The following DNAH5 variants were observed in gnomAD, a reference collection of about 807,000 sequenced individuals.
DNAH5 encodes the protein axonemal beta dynein heavy chain 5.
DNAH5 carries 372 observed loss-of-function variants against 518.2 expected under a neutral mutation model. The observed-to-expected ratio is 0.72, with a 90% CI of 0.66 to 0.78. The LOEUF (loss-of-function observed/expected upper bound fraction) is 0.78. Among genes scored for constraint, DNAH5 ranks in the 30% least tolerant of loss-of-function variants. The pLI is 0.00. For missense variants in DNAH5, 5,523 were observed against 5,687.0 expected (o/e 0.97, Z 0.93); for synonymous variants, 2,039 against 2,025.9 (o/e 1.01, Z -0.17).
chr5:13,749,721 A>AGAG (rs1749934574), intron 65 of DNAH5, among the ~76,000 whole-genome samples: 1 of 152,218 alleles, frequency 6.6e-6, no homozygotes, highest in South Asian at 2.1e-4. Flanking sequence ...TACCAGTGAC[A>AGAG]GAGGTGGCCC....
chr5:13,729,156 G>A (rs1360322127), intron 69 of DNAH5, among the ~76,000 whole-genome samples: 1 of 152,192 alleles, frequency 6.6e-6, no homozygotes, highest in African/African-American at 2.4e-5. Context: ...GGATCTATCA[G>A]TTTTTCTACT....
intron 8 of DNAH5, among the ~76,000 whole-genome samples, chr5:13,916,738 C>G (rs149759591): frequency 2.0e-4 from 31 of 152,012 alleles, no homozygotes; most frequent in Non-Finnish European, 4.0e-4. Context: ...CTGTTAATAA[C>G]AGTTAATGTT....
chr5:13,775,991 C>T lies in DNAH5; in HGVS notation c.9373+448G>A, dbSNP rs184621346. Among the ~76,000 whole-genome samples, 30 of 143,140 alleles carry T rather than the reference C, an allele frequency of 2.1e-4. 1 individual carries two copies. The East Asian group carries it at 6.0e-3, about 29-fold the overall frequency. 93.9% of individuals were successfully genotyped at this position (143,140 alleles called of 152,430 possible). ...AGCTTTCAAAAAAAAAAAAAAAAAGCTAAATGTACGCTCTCTAACCTCTCC... is the reference window on the plus strand; with the variant it reads ...AGCTTTCAAAAAAAAAAAAAAAAAGTTAAATGTACGCTCTCTAACCTCTCC... On this transcript the variant is annotated intron_variant, in intron 55 of 78. Transcript: ENST00000265104.
intron 38 of DNAH5, among the ~76,000 whole-genome samples, chr5:13,826,432 C>T (rs947052205): frequency 2.0e-5 from 3 of 152,172 alleles, no homozygotes; most frequent in Non-Finnish European, 2.9e-5. Context: ...CCCCATGTGT[C>T]GTGGGAGGGA....
chr5:13,747,265 T>C (rs1264474477), intron 65 of DNAH5, among the ~76,000 whole-genome samples: 1 of 152,154 alleles, frequency 6.6e-6, no homozygotes, highest in African/African-American at 2.4e-5. Flanking sequence ...ATATGTGCCA[T>C]GTTTTCTTAA....
intron 1 of DNAH5, among the ~76,000 whole-genome samples, chr5:13,965,187 A>T (rs1781448061): frequency 6.6e-6 from 1 of 152,152 alleles, no homozygotes; most frequent in African/African-American, 2.4e-5. Flanking sequence ...TCAAGTGTTT[A>T]TTATTGAGAG....
chr5:13,859,997 T>C (rs1768173791), intron 29 of DNAH5, among the ~76,000 whole-genome samples: 1 of 152,182 alleles, frequency 6.6e-6, no homozygotes, highest in South Asian at 2.1e-4. Flanking sequence ...ATGGAGCTTT[T>C]ATAGAACCAT....
rs547388063 is a variant in DNAH5, at chr5:13,976,674, AC to A, written c.12+34973del. The stretch of plus-strand genomic sequence containing the variant: ...CATAGGTATGTATGTATAGAAAAAA[AC>A]AATGTGTGTGTGTGTATATATATAT... On this transcript the variant is annotated intron_variant, in intron 1 of 78. Transcript: ENST00000681290. 4.3e-5 allele frequency among the ~76,000 whole-genome samples: 6 copies of A among 138,590 alleles called. No individual in the cohort carries two copies. In the East Asian group the frequency reaches 6.3e-4, roughly 15 times the overall value. The allele number at this position is 138,590 out of a possible 152,430, so 90.9% of individuals were successfully genotyped here.
At chr5:13,725,808 C>A (rs534720630) in intron 70 of DNAH5, among the ~76,000 whole-genome samples, 51 of 152,202 alleles carry the variant, frequency 3.4e-4, no homozygotes, top group Non-Finnish European at 5.7e-4. Context: ...GTGCCACCAC[C>A]ATGCCTGGCT....
At chr5:13,848,131 A>G (rs1766300574) in intron 31 of DNAH5, among the ~76,000 whole-genome samples, 1 of 152,270 alleles carries the variant, frequency 6.6e-6, no homozygotes, top group African/African-American at 2.4e-5. Flanking sequence ...ATCAATCATT[A>G]GACAACAATC....
chr5:13,781,335 A>T (rs1755104240), intron 52 of DNAH5, among the ~76,000 whole-genome samples: 2 of 152,200 alleles, frequency 1.3e-5, no homozygotes, highest in South Asian at 4.1e-4. Context: ...CAGAAATGTC[A>T]GAACAATGTC....
At chr5:13,993,929 T>C (rs1040769159) in intron 1 of DNAH5, among the ~76,000 whole-genome samples, 1 of 152,210 alleles carries the variant, frequency 6.6e-6, no homozygotes, top group East Asian at 1.9e-4. Flanking sequence ...ATGCAACCCA[T>C]TGCTCAAATT....
At chr5:13,967,777 C>T (rs888095928) in intron 1 of DNAH5, among the ~76,000 whole-genome samples, 4 of 141,072 alleles carry the variant, frequency 2.8e-5, no homozygotes. Context: ...TTGTAGATTG[C>T]TTTTGGCCAC....
chr5:13,854,841 C>T (rs1230923042), intron 30 of DNAH5, among the ~76,000 whole-genome samples: 3 of 152,086 alleles, frequency 2.0e-5, no homozygotes, highest in African/African-American at 4.8e-5. Context: ...TATATGCACC[C>T]GAAACAGGAG....
At chr5:13,763,013 G>C in intron 59 of DNAH5, 112 bp from the exon 60 acceptor site, 1 of 909,778 alleles carries the variant, frequency 1.1e-6, no homozygotes, top group Admixed American at 2.0e-5. Flanking sequence ...TGAATGAAGG[G>C]CATCATATTT....
intron 58 of DNAH5, 53 bp downstream of exon 58, chr5:13,768,907 T>C: frequency 6.3e-7 from 1 of 1,587,086 alleles, no homozygotes; most frequent in South Asian, 1.1e-5. Flanking sequence ...TTTTTAGCAT[T>C]AGTCTGCCTC....
intron 1 of DNAH5, among the ~76,000 whole-genome samples, chr5:13,953,190 A>G (rs1260730121): frequency 6.6e-6 from 1 of 152,200 alleles, no homozygotes; most frequent in Non-Finnish European, 1.5e-5. Context: ...TTTCTTGAGG[A>G]TGGGTTTCAA....
At chr5:13,797,431 C>T (rs1006833811) in intron 47 of DNAH5, among the ~76,000 whole-genome samples, 2 of 152,142 alleles carry the variant, frequency 1.3e-5, no homozygotes, top group African/African-American at 4.8e-5. Flanking sequence ...GACATCTATG[C>T]AGCCAACAGG....
At chr5:13,714,724 C>A in intron 74 of DNAH5, 104 bp from the exon 75 acceptor site, 1 of 1,079,822 alleles carries the variant, frequency 9.3e-7, no homozygotes, top group Non-Finnish European at 1.4e-6. Flanking sequence ...TATGCATTTA[C>A]TTAAGTCTTA....
Sources: allele counts gnomAD v4.1 joint callset (sites outside exome capture counted in the v4.1 genomes callset), GRCh38; gene constraint gnomAD v4.1.1; transcripts MANE v1.5; gene names NCBI Gene and HGNC (gene_info 2026-07-23, HGNC 2026-07-21).